Variants in ARHGAP12 observed in about 807,000 individuals in gnomAD.
The protein encoded by ARHGAP12 is Rho GTPase activating protein 12.
Under a neutral mutation model 108.6 loss-of-function variants are expected in ARHGAP12, and 64 were observed. That is an observed-to-expected ratio of 0.59 (90% CI 0.48 to 0.73). The LOEUF (loss-of-function observed/expected upper bound fraction) is 0.73, where lower values mean the gene tolerates loss of function less well. Among genes scored for constraint, ARHGAP12 ranks in the 30% least tolerant of loss-of-function variants. The pLI is 0.00. For synonymous variants in ARHGAP12, 312 were observed against 337.2 expected (o/e 0.93, Z 0.82); for missense variants, 940 against 1,005.9 (o/e 0.93, Z 0.89).
At chr10:31,902,532 T>C (rs542411628) in intron 3 of ARHGAP12, among the ~76,000 whole-genome samples, 49 of 152,066 alleles carry the variant, frequency 3.2e-4, no homozygotes, top group African/African-American at 1.1e-3. Flanking sequence ...ATAAACTAGC[T>C]GGGCATGGTG....
intron 7 of ARHGAP12, among the ~76,000 whole-genome samples, chr10:31,840,385 T>C (rs1198640865): frequency 2.6e-5 from 4 of 151,858 alleles, no homozygotes; most frequent in South Asian, 4.1e-4. Context: ...GCTTTGTCAA[T>C]ATTAAAACAC....
intron 3 of ARHGAP12, among the ~76,000 whole-genome samples, chr10:31,898,876 C>T (rs370113573): frequency 6.6e-6 from 1 of 152,044 alleles, no homozygotes; most frequent in Non-Finnish European, 1.5e-5. Flanking sequence ...AAAAAAAACA[C>T]GTCCACAGAT....
intron 3 of ARHGAP12, among the ~76,000 whole-genome samples, chr10:31,879,585 A>C (rs1341035908): frequency 1.3e-5 from 2 of 152,206 alleles, no homozygotes; most frequent in Non-Finnish European, 2.9e-5. Context: ...TATTTAACTT[A>C]ATCTTCCCCA....
intron 3 of ARHGAP12, among the ~76,000 whole-genome samples, chr10:31,893,278 C>CA (rs1169653288): frequency 1.3e-5 from 2 of 151,974 alleles, no homozygotes; most frequent in African/African-American, 2.4e-5. Flanking sequence ...GACAGAGACA[C>CA]AAAAAACCCT....
At chr10:31,915,302 C>G (rs898900202) in intron 1 of ARHGAP12, among the ~76,000 whole-genome samples, 1 of 151,444 alleles carries the variant, frequency 6.6e-6, no homozygotes. Flanking sequence ...AGGAGAATTG[C>G]TTGAACCCGG....
intron 7 of ARHGAP12, 85 bp downstream of exon 7, chr10:31,843,376 A>G: frequency 7.3e-7 from 1 of 1,369,488 alleles, no homozygotes. Context: ...AATATTTACT[A>G]AATACATAAA....
At chr10:31,832,440 T>C (rs1835867282) in intron 9 of ARHGAP12, among the ~76,000 whole-genome samples, 1 of 152,180 alleles carries the variant, frequency 6.6e-6, no homozygotes, top group South Asian at 2.1e-4. Context: ...AGCTTTATCA[T>C]CAAACCCTAT....
intron 9 of ARHGAP12, 39 bp from the exon 10 acceptor site, chr10:31,831,839 A>T (rs763694792): frequency 6.8e-6 from 9 of 1,330,646 alleles, no homozygotes; most frequent in Non-Finnish European, 9.4e-6. Context: ...AATCACATAG[A>T]CAATGAGGTC....
rs181538747 is a variant in ARHGAP12 at position 31,829,117 on chromosome 10, A to C, written c.1448+2622T>G. On this transcript the variant is annotated intron_variant, in intron 10 of 19. Coordinates refer to ENST00000344936, the MANE Select transcript of ARHGAP12 (RefSeq NM_018287.7). Reference sequence around the variant, plus strand: ...CAGTGACCCAAGATCGCACCACTGCACTCCAGCCTGGGCGAGAGAGCAAGA... The same window carrying C: ...CAGTGACCCAAGATCGCACCACTGCCCTCCAGCCTGGGCGAGAGAGCAAGA... 2.2e-3 allele frequency among the ~76,000 whole-genome samples: 332 copies of C among 152,204 alleles called. 2 individuals are homozygous for C. The highest frequency in any genetic ancestry group is 6.8e-3 in the Middle Eastern group (2 of 294).
At chr10:31,887,808 C>T (rs1445807861) in intron 3 of ARHGAP12, among the ~76,000 whole-genome samples, 1 of 152,048 alleles carries the variant, frequency 6.6e-6, no homozygotes, top group Admixed American at 6.6e-5. Context: ...CAGGTGCCCA[C>T]TACCACACCT....
chr10:31,891,010 T>C (rs1457723277), intron 3 of ARHGAP12, among the ~76,000 whole-genome samples: 5 of 152,142 alleles, frequency 3.3e-5, no homozygotes, highest in Non-Finnish European at 5.9e-5. Context: ...ACACCTCTAT[T>C]AGCAGCTGAC....
In ARHGAP12 at chr10:31,812,817, T is replaced by G. The variant is rs746857010; in HGVS notation, c.1841A>C (p.Lys614Thr). The G allele has an allele frequency of 1.3e-6, 2 of 1,556,628 alleles. No individual in the cohort carries two copies. The highest frequency in any genetic ancestry group is 1.7e-6 in the Non-Finnish European group (2 of 1,146,716). ...TTCTGAAGAATCTATGCTAGATACT[T>G]TAAAGGCTTAAGACAAAAAGACAGG... is the stretch of plus-strand genomic sequence containing the variant. Reference protein sequence around the residue: ...QKDPKKLRSFKVSSIDSSEQK... With the variant: ...QKDPKKLRSFTVSSIDSSEQK... The change falls in exon 15 of 20, where the codon AAA becomes ACA. Residue 614 changes from lysine (K) to threonine (T), a missense_variant. Coordinates refer to ENST00000344936, the MANE Select transcript of ARHGAP12 (RefSeq NM_018287.7).
chr10:31,868,673 C>T (rs992782757), intron 3 of ARHGAP12, among the ~76,000 whole-genome samples: 1 of 152,000 alleles, frequency 6.6e-6, no homozygotes, highest in African/African-American at 2.4e-5. Flanking sequence ...TGGTGACTTA[C>T]ACCTCTAATC....
At chr10:31,861,009 T>A (rs1005195858) in intron 4 of ARHGAP12, among the ~76,000 whole-genome samples, 1 of 152,222 alleles carries the variant, frequency 6.6e-6, no homozygotes, top group Non-Finnish European at 1.5e-5. Flanking sequence ...GAGATATCAT[T>A]GCACCAGGGC....
At chr10:31,855,932 C>A (rs1836870396) in intron 4 of ARHGAP12, among the ~76,000 whole-genome samples, 1 of 152,054 alleles carries the variant, frequency 6.6e-6, no homozygotes, top group Non-Finnish European at 1.5e-5. Flanking sequence ...TGTTTAATGG[C>A]AGTTAAGTAA....
intron 3 of ARHGAP12, among the ~76,000 whole-genome samples, chr10:31,882,664 C>G (rs1389934326): frequency 6.6e-6 from 1 of 151,370 alleles, no homozygotes; most frequent in Non-Finnish European, 1.5e-5. Context: ...AATACAAAAA[C>G]TACGTGGGCG....
intron 19 of ARHGAP12, among the ~76,000 whole-genome samples, chr10:31,808,191 C>A (rs1252525104): frequency 6.6e-6 from 1 of 151,218 alleles, no homozygotes; most frequent in Non-Finnish European, 1.5e-5. Context: ...ATTAAACTTT[C>A]CATTTTACTC....
intron 13 of ARHGAP12, among the ~76,000 whole-genome samples, chr10:31,815,054 G>A (rs1358027416): frequency 6.7e-6 from 1 of 150,022 alleles, no homozygotes; most frequent in Non-Finnish European, 1.5e-5. Context: ...CTGGGAGGCA[G>A]AGGTTGCAGT....
intron 1 of ARHGAP12, among the ~76,000 whole-genome samples, chr10:31,920,492 T>TAG (rs1839757148): frequency 7.1e-6 from 1 of 141,780 alleles, no homozygotes; most frequent in Non-Finnish European, 1.5e-5. Flanking sequence ...AAGTAGCACT[T>TAG]ACGCAGCATA....
Sources: allele counts gnomAD v4.1 joint callset (sites outside exome capture counted in the v4.1 genomes callset), GRCh38; gene constraint gnomAD v4.1.1; transcripts MANE v1.5; gene names NCBI Gene and HGNC (gene_info 2026-07-23, HGNC 2026-07-21).